CCDC60: variants seen among roughly 807,000 people sequenced by gnomAD.
CCDC60 encodes the protein coiled-coil domain containing 60, also known as coiled-coil domain-containing protein 60.
A neutral mutation model predicts 63.5 loss-of-function variants in CCDC60; 54 were observed. The ratio of observed to expected loss-of-function variants is 0.85; its 90% CI spans 0.68 to 1.07. The LOEUF (loss-of-function observed/expected upper bound fraction) is 1.07, where lower values mean the gene tolerates loss of function less well. Ranked by LOEUF, CCDC60 falls within the 50% of genes least tolerant of loss-of-function variation. The probability of loss-of-function intolerance (pLI) is 0.00; values close to 1 mark genes in which losing one functional copy is unlikely to be tolerated. For missense variants in CCDC60, 651 were observed against 684.3 expected (o/e 0.95, Z 0.54); for synonymous variants, 206 against 238.8 (o/e 0.86, Z 1.27).
chr12:119,378,416 G>A (rs992300319), intron 1 of CCDC60, among the ~76,000 whole-genome samples: 1 of 152,202 alleles, frequency 6.6e-6, no homozygotes, highest in African/African-American at 2.4e-5. Context: ...TATTAAAAGG[G>A]AAACCTTACC....
chr12:119,428,656 T>A (rs1956942110), intron 1 of CCDC60, 27 bp from the exon 2 acceptor site: 2 of 1,492,670 alleles, frequency 1.3e-6, no homozygotes, highest in African/African-American at 2.7e-5. Flanking sequence ...ACACTCCTTT[T>A]ATTTTAACCC....
At chr12:119,489,813 T>C (rs1218883206) in intron 5 of CCDC60, among the ~76,000 whole-genome samples, 1 of 152,000 alleles carries the variant, frequency 6.6e-6, no homozygotes, top group East Asian at 1.9e-4. Context: ...GTCTTTTTTT[T>C]TTTTAGACAG....
chr12:119,507,572 ATATATACAC>A (rs1952063147), intron 7 of CCDC60, among the ~76,000 whole-genome samples: 1 of 37,562 alleles, frequency 2.7e-5, no homozygotes, highest in Non-Finnish European at 3.9e-5. Context: ...ATATATATGT[ATATATACAC>A]ATATATATAC....
At chr12:119,377,401 AT>A (rs1376235807) in intron 1 of CCDC60, among the ~76,000 whole-genome samples, 1 of 152,122 alleles carries the variant, frequency 6.6e-6, no homozygotes, top group Non-Finnish European at 1.5e-5. Flanking sequence ...GTAAATTCAA[AT>A]AATCAGTTCT....
At chr12:119,534,716 G>A (rs1001392630) in intron 13 of CCDC60, among the ~76,000 whole-genome samples, 11 of 152,100 alleles carry the variant, frequency 7.2e-5, no homozygotes, top group African/African-American at 1.2e-4. Context: ...GATGGATTAC[G>A]TTTATTGATT....
chr12:119,427,405 T>C (rs1412443640), intron 1 of CCDC60, among the ~76,000 whole-genome samples: 2 of 152,270 alleles, frequency 1.3e-5, no homozygotes, highest in Admixed American at 6.5e-5. Context: ...GTTGCCGTTA[T>C]ACTTAATTGC....
intron 1 of CCDC60, among the ~76,000 whole-genome samples, chr12:119,411,799 C>T (rs1158117134): frequency 2.6e-5 from 4 of 151,982 alleles, no homozygotes; most frequent in African/African-American, 9.7e-5. Context: ...TGCCAAGGCA[C>T]CATGTTTTGG....
At chr12:119,395,842 G>T (rs1469542977) in intron 1 of CCDC60, among the ~76,000 whole-genome samples, 1 of 152,118 alleles carries the variant, frequency 6.6e-6, no homozygotes, top group Non-Finnish European at 1.5e-5. Context: ...CCAGCTTCTG[G>T]TGGCTCCTGC....
chr12:119,371,123 A>G (rs181703219), intron 1 of CCDC60, among the ~76,000 whole-genome samples: 1 of 152,274 alleles, frequency 6.6e-6, no homozygotes, highest in Admixed American at 6.5e-5. Context: ...GGTTCTCTCT[A>G]CCTGATTCCA....
chr12:119,500,098 G>A lies in CCDC60; in HGVS notation c.578G>A (p.Ser193Asn), dbSNP rs1055085666. 1 of 1,612,134 alleles carries A rather than the reference G, an allele frequency of 6.2e-7. No individual in the cohort carries two copies. The highest frequency in any genetic ancestry group is 1.1e-5 in the South Asian group (1 of 90,714). Residue 193 changes from serine (S) to asparagine (N), a missense_variant, in exon 6 of 14, where the codon AGC becomes AAC. Transcript: ENST00000327554. ...WNPKDPGGSK[S>N]TIKKINKDKS... ...CTCAGGGACCCGGGTGGAAGCAAGAGCACCATTAAAAAAATCAATAAGGAC... is the reference window on the plus strand; with the variant it reads ...CTCAGGGACCCGGGTGGAAGCAAGAACACCATTAAAAAAATCAATAAGGAC...
chr12:119,375,567 C>T (rs1333614469), intron 1 of CCDC60, among the ~76,000 whole-genome samples: 1 of 152,188 alleles, frequency 6.6e-6, no homozygotes, highest in East Asian at 1.9e-4. Context: ...ATGAGCCCCT[C>T]CCCCCAACTG....
At chr12:119,406,228 G>T (rs1288621277) in intron 1 of CCDC60, among the ~76,000 whole-genome samples, 1 of 151,640 alleles carries the variant, frequency 6.6e-6, no homozygotes, top group Admixed American at 6.6e-5. Context: ...GAGAGTTGGG[G>T]TCTTCTTGCC....
intron 1 of CCDC60, among the ~76,000 whole-genome samples, chr12:119,395,223 T>C (rs1956230665): frequency 6.6e-6 from 1 of 152,236 alleles, no homozygotes; most frequent in Non-Finnish European, 1.5e-5. Flanking sequence ...TTGTGATCCA[T>C]GGAAGCCACT....
Position 119,500,105 on chromosome 12 carries a change from T to TA in CCDC60, c.592dup (p.Ile198AsnfsTer3), listed in dbSNP as rs759057262. ...ACCCGGGTGGAAGCAAGAGCACCATTAAAAAAATCAATAAGGACAAGTCCA... is the reference window on the plus strand; with the variant it reads ...ACCCGGGTGGAAGCAAGAGCACCATTAAAAAAAATCAATAAGGACAAGTCCA... On this transcript the variant is annotated frameshift_variant, in exon 6 of 14. Transcript: ENST00000327554. LOFTEE classifies it high-confidence loss of function. 5.5e-4 allele frequency: 881 copies of TA among 1,611,676 alleles called. 1 individual carries two copies. The highest frequency in any genetic ancestry group is 5.7e-4 in the Non-Finnish European group (667 of 1,179,278).
At chr12:119,362,130 A>AT (rs1302437468) in intron 1 of CCDC60, among the ~76,000 whole-genome samples, 9 of 152,182 alleles carry the variant, frequency 5.9e-5, no homozygotes, top group Non-Finnish European at 1.5e-5. Context: ...AGCTGTGTCT[A>AT]TATCTATCTA....
At chr12:119,373,337 G>T (rs938247073) in intron 1 of CCDC60, among the ~76,000 whole-genome samples, 14 of 152,062 alleles carry the variant, frequency 9.2e-5, no homozygotes, top group African/African-American at 3.1e-4. Context: ...AGAAAAGCTG[G>T]CTCCAATCAC....
At chr12:119,393,762 A>G (rs1273049403) in intron 1 of CCDC60, among the ~76,000 whole-genome samples, 1 of 152,208 alleles carries the variant, frequency 6.6e-6, no homozygotes, top group Non-Finnish European at 1.5e-5. Flanking sequence ...ATCAGTCTGG[A>G]GCTTCCTGCT....
intron 1 of CCDC60, among the ~76,000 whole-genome samples, chr12:119,354,634 G>A (rs990009340): frequency 9.2e-5 from 14 of 152,196 alleles, no homozygotes; most frequent in African/African-American, 2.4e-5. Context: ...GGGGCTCCAG[G>A]CAAATGGATG....
At chr12:119,498,489 C>A (rs1002242590) in intron 5 of CCDC60, among the ~76,000 whole-genome samples, 1 of 152,138 alleles carries the variant, frequency 6.6e-6, no homozygotes. Context: ...TGCGCCACCA[C>A]ACCTGGCTAA....
Sources: gnomAD v4.1 joint callset for allele counts (sites outside exome capture counted in the v4.1 genomes callset) on GRCh38, gnomAD v4.1.1 for gene constraint, MANE v1.5 for transcripts, NCBI Gene and HGNC (gene_info 2026-07-23, HGNC 2026-07-21) for gene names.